Variants in WDR25 observed in about 807,000 individuals in gnomAD.
WDR25 encodes the protein WD repeat-containing protein 25.
WDR25 carries 35 observed loss-of-function variants against 47.7 expected under a neutral mutation model. The observed-to-expected ratio is 0.73, with a 90% CI of 0.56 to 0.97. The LOEUF is 0.97. Ranked by LOEUF, WDR25 falls within the 50% of genes least tolerant of loss-of-function variation. The pLI, the probability that WDR25 is intolerant of heterozygous loss-of-function variation, is 0.00. For synonymous variants in WDR25, 248 were observed against 278.9 expected, an observed-to-expected ratio of 0.89 and a Z score of 1.10; for missense variants, 634 against 704.7, an observed-to-expected ratio of 0.90 and a Z score of 1.14.
At chr14:100,408,487 C>T (rs1233655494) in intron 2 of WDR25, among the ~76,000 whole-genome samples, 1 of 152,170 alleles carries the variant, frequency 6.6e-6, no homozygotes, top group East Asian at 1.9e-4. Flanking sequence ...CTGCAGCCCT[C>T]AGTGCTGTCT....
At chr14:100,519,974 G>T (rs1420473525) in intron 4 of WDR25, among the ~76,000 whole-genome samples, 3 of 139,720 alleles carry the variant, frequency 2.1e-5, no homozygotes, top group South Asian at 2.2e-4. Context: ...TATATATATG[G>T]TATATATAGT....
intron 2 of WDR25, among the ~76,000 whole-genome samples, chr14:100,382,307 G>A (rs1231384353): frequency 6.6e-6 from 1 of 152,178 alleles, no homozygotes; most frequent in Non-Finnish European, 1.5e-5. Flanking sequence ...CAGCCCGGCA[G>A]GGCTCAGTGA....
intron 2 of WDR25, among the ~76,000 whole-genome samples, chr14:100,450,117 C>T (rs143964253): frequency 6.6e-6 from 1 of 152,342 alleles, no homozygotes; most frequent in African/African-American, 2.4e-5. Flanking sequence ...TCACTTTGCT[C>T]CAATGCTTAA....
At chr14:100,411,315 T>C (rs1897701431) in intron 2 of WDR25, among the ~76,000 whole-genome samples, 1 of 152,148 alleles carries the variant, frequency 6.6e-6, no homozygotes, top group African/African-American at 2.4e-5. Context: ...GAGGGTCTCA[T>C]GCTCTTGGGT....
chr14:100,402,618 T>C lies in WDR25; in HGVS notation c.822+20872T>C, dbSNP rs75172791. Among the ~76,000 whole-genome samples the C allele has an allele frequency of 4.0e-3, 606 of 152,260 alleles. 2 individuals carry two copies. The highest frequency in any genetic ancestry group is 0.014 in the African/African-American group (570 of 41,542). ...TGTTGGTTTCCTCTCTTGGCAAACA[T>C]AGAGGCTCAACTGTGTTCTCTGAGG... On this transcript the variant is annotated intron_variant, in intron 2 of 6. Transcript: ENST00000402312.
chr14:100,466,690 T>C (rs1899639693), intron 2 of WDR25, among the ~76,000 whole-genome samples: 1 of 152,212 alleles, frequency 6.6e-6, no homozygotes, highest in South Asian at 2.1e-4. Flanking sequence ...CCAGCAGCCG[T>C]ATCAGGTGGG....
intron 4 of WDR25, among the ~76,000 whole-genome samples, chr14:100,514,038 C>T (rs1901405580): frequency 6.6e-6 from 1 of 151,784 alleles, no homozygotes; most frequent in Non-Finnish European, 1.5e-5. Context: ...CGGGTTCACG[C>T]CATTCTCCTG....
At position 100,458,470 on chromosome 14, in the gene WDR25, T is replaced by G. The variant is rs377149153; in HGVS notation, c.823-9551T>G. On this transcript the variant is annotated intron_variant, in intron 2 of 6. Coordinates refer to ENST00000402312, the MANE Select transcript of WDR25 (RefSeq NM_001161476.3). ...AAATCCACAATTATAGTTGGAGATT[T>G]CAACACCCCGCTCTCAATAATCAAT... is the stretch of plus-strand genomic sequence containing the variant. Among the ~76,000 whole-genome samples, 52 of 152,266 alleles carry G rather than the reference T, an allele frequency of 3.4e-4. No homozygotes were observed. In the South Asian group the frequency reaches 9.4e-3, roughly 27 times the overall value.
chr14:100,500,345 C>T lies in WDR25; in HGVS notation c.1101+16221C>T, dbSNP rs1397875569. The stretch of plus-strand genomic sequence containing the variant: ...TCAGTGGCCTAGAGGCAGGCCAGCT[C>T]GTCTCTTCTGCTCCTTCTTCCAGGG... On this transcript the variant is annotated intron_variant, in intron 4 of 6. Coordinates refer to ENST00000402312, the MANE Select transcript of WDR25 (RefSeq NM_001161476.3). The surrounding 1 kb of genome is among the most constrained non-coding windows in gnomAD (Gnocchi z 4.7). 6.6e-6 allele frequency among the ~76,000 whole-genome samples: 1 copy of T among 152,102 alleles called. No homozygotes were observed. Among genetic ancestry groups the T allele is most frequent in the African/African-American group, 2.4e-5 (1 of 41,412 alleles).
At chr14:100,386,438 T>C (rs1897019685) in intron 2 of WDR25, among the ~76,000 whole-genome samples, 1 of 152,254 alleles carries the variant, frequency 6.6e-6, no homozygotes, top group Non-Finnish European at 1.5e-5. Context: ...TAAAAACTTT[T>C]CCCCAAATAT....
chr14:100,427,166 C>G (rs1291341999), intron 2 of WDR25, among the ~76,000 whole-genome samples: 3 of 152,130 alleles, frequency 2.0e-5, no homozygotes, highest in Non-Finnish European at 2.9e-5. Context: ...GCCTGGCCAG[C>G]CTTCACCTGT....
At chr14:100,493,097 C>T (rs1488998408) in intron 4 of WDR25, among the ~76,000 whole-genome samples, 4 of 152,340 alleles carry the variant, frequency 2.6e-5, no homozygotes, top group African/African-American at 9.6e-5. Context: ...TGTGAGCCAC[C>T]ACATTGGGCC....
chr14:100,453,413 C>T (rs1899103046), intron 2 of WDR25, among the ~76,000 whole-genome samples: 1 of 152,226 alleles, frequency 6.6e-6, no homozygotes, highest in Non-Finnish European at 1.5e-5. Flanking sequence ...TTTTCTACTT[C>T]ATAGGGCTGT....
chr14:100,520,073 T>C (rs1480824015), intron 4 of WDR25, among the ~76,000 whole-genome samples: 1 of 117,296 alleles, frequency 8.5e-6, no homozygotes, highest in Non-Finnish European at 1.6e-5. Flanking sequence ...TGTGTGTGTG[T>C]GTGTGCATAT....
chr14:100,447,900 T>TA (rs200923127), intron 2 of WDR25, among the ~76,000 whole-genome samples: 6 of 151,132 alleles, frequency 4.0e-5, no homozygotes, highest in East Asian at 1.9e-4. Context: ...AACTGCACTT[T>TA]AAAAAAAAAT....
chr14:100,481,606 T>A (rs1281705044), intron 3 of WDR25, among the ~76,000 whole-genome samples: 1 of 152,208 alleles, frequency 6.6e-6, no homozygotes. Flanking sequence ...ATACAAAGCA[T>A]GTTAAATGGC....
intron 3 of WDR25, among the ~76,000 whole-genome samples, chr14:100,476,055 A>G (rs909395283): frequency 2.0e-5 from 3 of 152,248 alleles, no homozygotes; most frequent in African/African-American, 7.2e-5. Context: ...TGCTACAGCT[A>G]CTGTTTATTG....
At chr14:100,482,781 A>G (rs1595134497) in intron 3 of WDR25, among the ~76,000 whole-genome samples, 1 of 152,306 alleles carries the variant, frequency 6.6e-6, no homozygotes, top group Middle Eastern at 3.4e-3. Flanking sequence ...CGTGAGTGGA[A>G]ATGATGCTTG....
In WDR25 at chr14:100,381,000, C is replaced by A; in HGVS notation, c.76C>A (p.His26Asn). The part of the protein sequence containing the change: ...DDSDSEAETE[H>N]AGSFNATGQQ... Reference sequence around the variant, plus strand: ...TTCGGACTCGGAGGCTGAGACAGAGCATGCAGGAAGTTTTAATGCTACCGG... The same window carrying A: ...TTCGGACTCGGAGGCTGAGACAGAGAATGCAGGAAGTTTTAATGCTACCGG... Residue 26 changes from histidine (H) to asparagine (N), a missense_variant, in exon 2 of 7, where the codon CAT becomes AAT. Transcript: ENST00000402312. 1 of 1,614,214 alleles carries A rather than the reference C, an allele frequency of 6.2e-7. No homozygotes were observed. Among genetic ancestry groups the A allele is most frequent in the Non-Finnish European group, 8.5e-7 (1 of 1,180,056 alleles).
Sources: gnomAD v4.1 joint callset for allele counts (sites outside exome capture counted in the v4.1 genomes callset) on GRCh38, gnomAD v4.1.1 for gene constraint, Gnocchi (gnomAD v3.1) non-coding constraint, MANE v1.5 for transcripts, NCBI Gene and HGNC (gene_info 2026-07-23, HGNC 2026-07-21) for gene names.